DSG3: variants seen among roughly 807,000 people sequenced by gnomAD.
The protein encoded by DSG3 is desmoglein-3.
In DSG3, 63 loss-of-function variants were observed where a neutral mutation model predicts 85.9. The observed-to-expected ratio is 0.73, with a 90% CI of 0.60 to 0.90. DSG3 has a LOEUF of 0.90. Ranked by LOEUF, DSG3 falls within the 40% of genes least tolerant of loss-of-function variation. The pLI, the probability that DSG3 is intolerant of heterozygous loss-of-function variation, is 0.00. For synonymous variants in DSG3, 447 were observed against 441.9 expected (o/e 1.01, Z -0.14); for missense variants, 1,220 against 1,219.9 (o/e 1.00, Z 0.00).
chr18:31,474,163 G>C lies in DSG3; in HGVS notation c.2144G>C (p.Gly715Ala). 1 of 1,614,126 alleles carries C rather than the reference G, an allele frequency of 6.2e-7. No individual in the cohort carries two copies. The highest frequency in any genetic ancestry group is 8.5e-7 in the Non-Finnish European group (1 of 1,179,962). ...TATGCCAGAGGCACAGCGGTGGAAG[G>C]CACTTCAGGAATGGAAATGACCACT... ...NTYARGTAVE[G>A]TSGMEMTTKL... The change falls in exon 15 of 16, where the codon GGC becomes GCC. Residue 715 changes from glycine (G) to alanine (A), a missense_variant. By Grantham distance (60) the Gly-to-Ala change is moderately conservative. Transcript: ENST00000257189.
At chr18:31,457,569 CTTTCTTTCTTTCTTTCTTCT>C (rs2072753726) in intron 3 of DSG3, among the ~76,000 whole-genome samples, 2 of 93,148 alleles carry the variant, frequency 2.1e-5, no homozygotes, top group East Asian at 2.7e-4. Context: ...TTCTTTCTTT[CTTTCTTTCTTTCTTTCTTCT>C]TTCTTTCTTT....
At chr18:31,454,928 A>G (rs1361236477) in intron 1 of DSG3, among the ~76,000 whole-genome samples, 1 of 151,370 alleles carries the variant, frequency 6.6e-6, no homozygotes, top group African/African-American at 2.4e-5. Flanking sequence ...AACCCGGGAG[A>G]CGAAGCTTAC....
At chr18:31,457,394 C>A (rs2072748918) in intron 3 of DSG3, among the ~76,000 whole-genome samples, 1 of 151,938 alleles carries the variant, frequency 6.6e-6, no homozygotes, top group East Asian at 1.9e-4. Context: ...GATACAGAGT[C>A]TAGCAAACAA....
Position 31,459,995 on chromosome 18 carries a change from AT to A in DSG3, c.670del (p.Ser224LeufsTer14). 6.2e-7 allele frequency: 1 copy of A among 1,613,740 alleles called. No homozygotes were observed. Among genetic ancestry groups the A allele is most frequent in the Non-Finnish European group, 8.5e-7 (1 of 1,179,822 alleles). On this transcript the variant is annotated frameshift_variant, in exon 6 of 16. Transcript: ENST00000257189. LOFTEE classifies it high-confidence loss of function. ...ACTGGGGAAGTCCGTACTTTGACCA[AT>A]TCTCTTGACCGAGAGGTACAGCAAA... ...RNTGEVRTLTNSLDREQASSY... is the reference protein window; with the variant it reads ...RNTGEVRTLTXSLDREQASSY...
chr18:31,458,511 C>T lies in DSG3; in HGVS notation c.283C>T (p.Pro95Ser). 1.2e-6 allele frequency: 2 copies of T among 1,614,068 alleles called. No individual in the cohort carries two copies. The highest frequency in any genetic ancestry group is 1.7e-6 in the Non-Finnish European group (2 of 1,179,972). The change falls in exon 4 of 16, where the codon CCG becomes TCG. Residue 95 changes from proline to serine, a missense_variant. Coordinates refer to ENST00000257189, the MANE Select transcript of DSG3 (RefSeq NM_001944.3). ...YRISGVGIDQ[P>S]PFGIFVVDKN... ...AATCTCTGGAGTGGGAATCGATCAGCCGCCTTTTGGAATCTTTGTTGTTGA... is the reference window on the plus strand; with the variant it reads ...AATCTCTGGAGTGGGAATCGATCAGTCGCCTTTTGGAATCTTTGTTGTTGA...
At chr18:31,454,378 C>A (rs574892831) in intron 1 of DSG3, among the ~76,000 whole-genome samples, 1 of 152,162 alleles carries the variant, frequency 6.6e-6, no homozygotes, top group Non-Finnish European at 1.5e-5. Context: ...TTAAAAAGAG[C>A]AACAATGTTG....
rs1354320807 is a variant in DSG3 at position 31,477,247 on chromosome 18, G to A, written c.*987G>A. The A allele has an allele frequency of 6.6e-6, 1 of 152,164 alleles. No individual in the cohort carries two copies. The allele number at this position is 152,164 out of a possible 1,614,324, so 9.4% of individuals were successfully genotyped here. On this transcript the variant is annotated 3_prime_UTR_variant, in exon 16 of 16. Transcript: ENST00000257189. Reference sequence around the variant, plus strand: ...TTTTGTGTGTTTTAATCCCTTTGAAGGGATCTATCCAAAGAAAATATTTTA... The same window carrying A: ...TTTTGTGTGTTTTAATCCCTTTGAAAGGATCTATCCAAAGAAAATATTTTA...
Position 31,471,441 on chromosome 18 carries a change from C to A in DSG3, c.1898-843C>A, listed in dbSNP as rs186906420. Among the ~76,000 whole-genome samples the A allele has an allele frequency of 7.2e-5, 11 of 152,166 alleles. No homozygotes were observed. The East Asian group carries it at 1.9e-3, about 27-fold the overall frequency. On this transcript the variant is annotated intron_variant, in intron 12 of 15. Coordinates refer to ENST00000257189, the MANE Select transcript of DSG3 (RefSeq NM_001944.3). The stretch of plus-strand genomic sequence containing the variant: ...TTACATAGCTGTTAAGTGGTACAGC[C>A]GAAATTTAAACCCTAGAATCTGACT...
At chr18:31,461,437 G>T in intron 8 of DSG3, 25 bp downstream of exon 8, 1 of 1,578,114 alleles carries the variant, frequency 6.3e-7, no homozygotes, top group South Asian at 1.2e-5. Flanking sequence ...CCCTTCATTG[G>T]TAAAAAAAAT....
At chr18:31,449,465 G>C (rs1317772973) in intron 1 of DSG3, among the ~76,000 whole-genome samples, 1 of 152,126 alleles carries the variant, frequency 6.6e-6, no homozygotes, top group Non-Finnish European at 1.5e-5. Flanking sequence ...AGCTAAGGGG[G>C]ATTCTTTTTT....
rs199891567 is a variant in DSG3 at position 31,475,893 on chromosome 18, G to T, written c.2633G>T (p.Gly878Val). The part of the protein sequence containing the change: ...KEVQPPSKDS[G>V]YGIESCGHPI... ...GTTCAGCCACCCTCTAAAGACAGCG[G>T]TTATGGGATTGAATCCTGTGGCCAT... Residue 878 changes from glycine (G) to valine (V), a missense_variant, in exon 16 of 16, where the codon GGT (glycine) becomes GTT (valine). Physicochemically the swap from Gly to Val is moderately radical, Grantham distance 109 (BLOSUM62 -3). Coordinates refer to ENST00000257189, the MANE Select transcript of DSG3 (RefSeq NM_001944.3). 1.3e-5 allele frequency: 21 copies of T among 1,614,070 alleles called. No individual in the cohort carries two copies. Among genetic ancestry groups the T allele is most frequent in the Admixed American group, 1.7e-5 (1 of 59,998 alleles).
chr18:31,465,565 G>A, intron 10 of DSG3, 108 bp downstream of exon 10: 1 of 1,074,308 alleles, frequency 9.3e-7, no homozygotes, highest in Non-Finnish European at 1.2e-6. Flanking sequence ...ACTGGAGAGA[G>A]AGAATTATCT....
intron 11 of DSG3, 57 bp from the exon 12 acceptor site, chr18:31,469,032 A>G: frequency 6.3e-7 from 1 of 1,595,304 alleles, no homozygotes; most frequent in Non-Finnish European, 8.6e-7. Context: ...AGCAACACAA[A>G]ATAGACTGAA....
chr18:31,463,416 A>G (rs2072797983), intron 8 of DSG3, among the ~76,000 whole-genome samples: 1 of 152,170 alleles, frequency 6.6e-6, no homozygotes, highest in Non-Finnish European at 1.5e-5. Flanking sequence ...CAATATGAGC[A>G]TTTTCTTATC....
At position 31,478,147 on chromosome 18, in the gene DSG3, G is replaced by A. The variant is rs1026714473; in HGVS notation, c.*1887G>A. 6.6e-6 allele frequency: 1 copy of A among 152,200 alleles called. No individual in the cohort carries two copies. The highest frequency in any genetic ancestry group is 2.4e-5 in the African/African-American group (1 of 41,434). 9.4% of individuals were successfully genotyped at this position (152,200 alleles called of 1,614,324 possible). A position where few individuals can be genotyped will look rare whatever the true frequency, so the allele number is the denominator to read the frequency against. On this transcript the variant is annotated 3_prime_UTR_variant, in exon 16 of 16. Transcript: ENST00000257189. ...CAAGGCTTTCAATGTGCCCATCTTA[G>A]GTGGGAGAAGCTAGATCCTGTGCAG...
Position 31,447,908 on chromosome 18 carries a change from G to T in DSG3, c.31G>T (p.Ala11Ser), listed in dbSNP as rs957773409. The T allele has an allele frequency of 1.9e-6, 3 of 1,586,646 alleles. No homozygotes were observed. The highest frequency in any genetic ancestry group is 1.7e-6 in the Non-Finnish European group (2 of 1,168,392). Residue 11 changes from alanine (A) to serine (S), a missense_variant, in exon 1 of 16, where the codon GCT (alanine) becomes TCT (serine). Physicochemically the swap from Ala to Ser is moderately conservative, Grantham distance 99. Transcript: ENST00000257189. ...GGGGCTCTTCCCCAGAACTACAGGG[G>T]CTCTGGCCATCTTCGTGGTAAGTCC... Reference protein sequence around the residue: MMGLFPRTTGALAIFVVVILV... With the variant: MMGLFPRTTGSLAIFVVVILV...
In DSG3 at chr18:31,460,835, A is replaced by G. The variant is rs761647415; in HGVS notation, c.687A>G (p.Gln229=). Residue 229 remains glutamine, a splice_region_variant and synonymous_variant, in exon 7 of 16, where the codon CAA becomes CAG. Coordinates refer to ENST00000257189, the MANE Select transcript of DSG3 (RefSeq NM_001944.3). ...RTLTNSLDRE[Q]ASSYRLVVSG... ...CTTTATTTTTTATCCAAAATTAGCA[A>G]GCTAGCAGCTATCGTCTGGTTGTGA... 2 of 1,576,188 alleles carry G rather than the reference A, an allele frequency of 1.3e-6. No homozygotes were observed. Among genetic ancestry groups the G allele is most frequent in the Non-Finnish European group, 1.7e-6 (2 of 1,168,762 alleles).
At chr18:31,466,031 G>T (rs1178216225) in intron 10 of DSG3, among the ~76,000 whole-genome samples, 1 of 152,078 alleles carries the variant, frequency 6.6e-6, no homozygotes, top group Non-Finnish European at 1.5e-5. Context: ...CAACAGAAAT[G>T]ACACATAATG....
chr18:31,454,805 A>G (rs67790517), intron 1 of DSG3, among the ~76,000 whole-genome samples: 59,289 of 151,416 alleles, frequency 0.39, 12,779 homozygotes, highest in African/African-American at 0.59. Context: ...GACCAGCCTA[A>G]CCAACATGGT....
Sources: gnomAD v4.1 joint callset for allele counts (sites outside exome capture counted in the v4.1 genomes callset) on GRCh38, gnomAD v4.1.1 for gene constraint, MANE v1.5 for transcripts, NCBI Gene and HGNC (gene_info 2026-07-23, HGNC 2026-07-21) for gene names.